The following LHFPL6 variants were observed in gnomAD, a reference collection of about 807,000 sequenced individuals.
LHFPL6 encodes the protein LHFPL tetraspan subfamily member 6 protein.
In LHFPL6, 9 loss-of-function variants were observed where a neutral mutation model predicts 20.6. The observed-to-expected ratio is 0.44, with a 90% CI of 0.26 to 0.76. The LOEUF (loss-of-function observed/expected upper bound fraction) is 0.76. Among genes scored for constraint, LHFPL6 ranks in the 30% least tolerant of loss-of-function variants. LHFPL6 has a pLI of 0.20. For synonymous variants in LHFPL6, 105 were observed against 98.7 expected, an observed-to-expected ratio of 1.06 and a Z score of -0.38; for missense variants, 218 against 253.5, an observed-to-expected ratio of 0.86 and a Z score of 0.95.
chr13:39,384,059 A>G (rs1870503820), intron 2 of LHFPL6, among the ~76,000 whole-genome samples: 1 of 152,216 alleles, frequency 6.6e-6, no homozygotes, highest in African/African-American at 2.4e-5. Flanking sequence ...TGCTGGAAAT[A>G]TCTGGAGTGG....
intron 2 of LHFPL6, among the ~76,000 whole-genome samples, chr13:39,551,751 T>C (rs1327799180): frequency 6.6e-6 from 1 of 152,216 alleles, no homozygotes; most frequent in Non-Finnish European, 1.5e-5. Context: ...CTTATTCAGA[T>C]ACTTAATTTT....
At chr13:39,397,557 C>T (rs565158053) in intron 2 of LHFPL6, among the ~76,000 whole-genome samples, 1 of 152,318 alleles carries the variant, frequency 6.6e-6, no homozygotes, top group Admixed American at 6.5e-5. Flanking sequence ...TCATCCGTGA[C>T]GAAGGTAAAG....
intron 2 of LHFPL6, among the ~76,000 whole-genome samples, chr13:39,549,122 G>A (rs1593358592): frequency 6.6e-6 from 1 of 152,040 alleles, no homozygotes; most frequent in South Asian, 2.1e-4. Context: ...CTTCATCAAA[G>A]AAGATGGATG....
At chr13:39,406,528 C>T (rs1871114852) in intron 2 of LHFPL6, among the ~76,000 whole-genome samples, 1 of 152,088 alleles carries the variant, frequency 6.6e-6, no homozygotes, top group Non-Finnish European at 1.5e-5. Flanking sequence ...CTACCACATA[C>T]ATAAGTAATT....
intron 2 of LHFPL6, among the ~76,000 whole-genome samples, chr13:39,517,348 G>A (rs1319001629): frequency 1.3e-5 from 2 of 152,270 alleles, no homozygotes; most frequent in East Asian, 1.9e-4. Flanking sequence ...GTCTGTTCAC[G>A]TTCTAAGCAT....
intron 2 of LHFPL6, among the ~76,000 whole-genome samples, chr13:39,574,438 G>A (rs1028023789): frequency 1.4e-4 from 21 of 149,174 alleles, no homozygotes; most frequent in African/African-American, 4.5e-4. Flanking sequence ...AGCTGAGATC[G>A]TGCCACTGCA....
intron 2 of LHFPL6, among the ~76,000 whole-genome samples, chr13:39,581,145 A>T (rs1057501239): frequency 6.4e-4 from 97 of 152,322 alleles, no homozygotes; most frequent in African/African-American, 2.2e-3. Flanking sequence ...CTAACAAGCT[A>T]AATAAGGAAA....
chr13:39,437,044 A>G (rs187714572), intron 2 of LHFPL6, among the ~76,000 whole-genome samples: 4 of 152,364 alleles, frequency 2.6e-5, no homozygotes, highest in East Asian at 1.9e-4. Flanking sequence ...CAGACTTATT[A>G]TAATATAAAA....
rs949395736 is a variant in LHFPL6 at position 39,529,243 on chromosome 13, C to T, written c.385+71589G>A. On this transcript the variant is annotated intron_variant, in intron 2 of 3. Transcript: ENST00000379589. ...AGTAGCTGGGATTACAGGCACCCGC[C>T]ACCATGCCTGGCTAATTTTTGTATT... Among the ~76,000 whole-genome samples, 6 of 152,134 alleles carry T rather than the reference C, an allele frequency of 3.9e-5. No individual in the cohort carries two copies. In the East Asian group the frequency reaches 1.2e-3, roughly 29 times the overall value.
At chr13:39,432,611 C>T (rs1163748571) in intron 2 of LHFPL6, among the ~76,000 whole-genome samples, 4 of 152,174 alleles carry the variant, frequency 2.6e-5, no homozygotes, top group Non-Finnish European at 5.9e-5. Flanking sequence ...ACCTCCATCC[C>T]AGGCAGTTCT....
At chr13:39,375,676 T>C (rs1870274942) in intron 3 of LHFPL6, among the ~76,000 whole-genome samples, 1 of 140,674 alleles carries the variant, frequency 7.1e-6, no homozygotes, top group Non-Finnish European at 1.5e-5. Context: ...GGCGAGAGAG[T>C]GAGTCTTTGT....
At chr13:39,452,700 ATGC>A (rs924501163) in intron 2 of LHFPL6, among the ~76,000 whole-genome samples, 3 of 152,330 alleles carry the variant, frequency 2.0e-5, no homozygotes, top group Non-Finnish European at 2.9e-5. Flanking sequence ...CACAATTAAG[ATGC>A]TGAAGACTGT....
chr13:39,380,755 A>G (rs751539101), intron 2 of LHFPL6, among the ~76,000 whole-genome samples: 4 of 152,084 alleles, frequency 2.6e-5, no homozygotes, highest in Non-Finnish European at 5.9e-5. Flanking sequence ...AGCCTCCTAA[A>G]GTCCTGGGAT....
chr13:39,448,825 G>A (rs1340500337), intron 2 of LHFPL6, among the ~76,000 whole-genome samples: 2 of 152,208 alleles, frequency 1.3e-5, no homozygotes, highest in Admixed American at 6.5e-5. Flanking sequence ...ATTACTTAAT[G>A]TGCTTATTTC....
intron 2 of LHFPL6, among the ~76,000 whole-genome samples, chr13:39,569,636 G>A (rs530548898): frequency 6.6e-6 from 1 of 152,248 alleles, no homozygotes; most frequent in African/African-American, 2.4e-5. Flanking sequence ...GGTATAAAGT[G>A]TCTTGATTTT....
intron 2 of LHFPL6, among the ~76,000 whole-genome samples, chr13:39,492,663 T>A (rs1868966629): frequency 6.6e-6 from 1 of 152,062 alleles, no homozygotes; most frequent in Non-Finnish European, 1.5e-5. Flanking sequence ...TTTTTTATTT[T>A]TATTTATTTA....
At chr13:39,507,817 G>A (rs1231953345) in intron 2 of LHFPL6, among the ~76,000 whole-genome samples, 1 of 151,868 alleles carries the variant, frequency 6.6e-6, no homozygotes, top group African/African-American at 2.4e-5. Flanking sequence ...TTATCCACAG[G>A]TACACAGCAA....
intron 2 of LHFPL6, among the ~76,000 whole-genome samples, chr13:39,383,657 C>A (rs1300231073): frequency 2.0e-5 from 3 of 152,192 alleles, no homozygotes; most frequent in Admixed American, 1.3e-4. Context: ...GAATCAAAAT[C>A]ATCACTGCTC....
chr13:39,528,276 T>C (rs776743184), intron 2 of LHFPL6, among the ~76,000 whole-genome samples: 30 of 152,146 alleles, frequency 2.0e-4, no homozygotes, highest in Non-Finnish European at 3.8e-4. Context: ...TGAATGGGGA[T>C]GCTTACTGTC....
Sources: gnomAD v4.1 joint callset for allele counts (sites outside exome capture counted in the v4.1 genomes callset) on GRCh38, gnomAD v4.1.1 for gene constraint, MANE v1.5 for transcripts, NCBI Gene and HGNC (gene_info 2026-07-23, HGNC 2026-07-21) for gene names.